PTPRD: variants seen among roughly 807,000 people sequenced by gnomAD.
The protein encoded by PTPRD is protein tyrosine phosphatase receptor type D.
Under a neutral mutation model 214.5 loss-of-function variants are expected in PTPRD, and 34 were observed. The ratio of observed to expected loss-of-function variants is 0.16; its 90% CI spans 0.12 to 0.21. The LOEUF is 0.21. Ranked by LOEUF, PTPRD falls within the 10% of genes least tolerant of loss-of-function variation. PTPRD has a pLI of 1.00. For missense variants in PTPRD, 2,545 were observed against 2,398.7 expected (o/e 1.06, Z -1.27); for synonymous variants, 1,128 against 845.7 (o/e 1.33, Z -5.79).
At chr9:8,598,202 T>C (rs2094575980) in intron 14 of PTPRD, among the ~76,000 whole-genome samples, 1 of 152,102 alleles carries the variant, frequency 6.6e-6, no homozygotes, top group South Asian at 2.1e-4. Flanking sequence ...AAATAGCCAG[T>C]GCACTCTGGG....
chr9:9,828,557 CAACTT>C (rs1472561995), intron 5 of PTPRD, among the ~76,000 whole-genome samples: 1 of 151,922 alleles, frequency 6.6e-6, no homozygotes, highest in East Asian at 1.9e-4. Context: ...TGTTAAATGA[CAACTT>C]AATGGGTGAA....
chr9:9,628,278 T>G (rs2095484148), intron 7 of PTPRD, among the ~76,000 whole-genome samples: 1 of 152,200 alleles, frequency 6.6e-6, no homozygotes, highest in Non-Finnish European at 1.5e-5. Flanking sequence ...CTCTGAGGAA[T>G]CTTTCATGCT....
chr9:9,828,232 T>C (rs1041090510), intron 5 of PTPRD, among the ~76,000 whole-genome samples: 33 of 152,112 alleles, frequency 2.2e-4, no homozygotes, highest in Non-Finnish European at 3.5e-4. Flanking sequence ...CTATTCACAA[T>C]AGCAAAGACT....
At chr9:9,483,701 T>C (rs2147221892) in intron 8 of PTPRD, among the ~76,000 whole-genome samples, 1 of 152,000 alleles carries the variant, frequency 6.6e-6, no homozygotes, top group East Asian at 1.9e-4. Flanking sequence ...AGGCTCTGGA[T>C]GCTCTGAGCC....
At chr9:8,810,327 T>C (rs555985763) in intron 11 of PTPRD, among the ~76,000 whole-genome samples, 2 of 152,296 alleles carry the variant, frequency 1.3e-5, no homozygotes, top group African/African-American at 2.4e-5. Context: ...CATTGCCATG[T>C]AGGGCCTTCT....
intron 39 of PTPRD, among the ~76,000 whole-genome samples, chr9:8,346,875 A>T (rs974161283): frequency 1.3e-5 from 2 of 152,184 alleles, no homozygotes; most frequent in African/African-American, 4.8e-5. Context: ...ATTGTGAAGA[A>T]GGAAAAAGAA....
At chr9:8,818,296 C>A (rs1047801661) in intron 11 of PTPRD, among the ~76,000 whole-genome samples, 3 of 152,102 alleles carry the variant, frequency 2.0e-5, no homozygotes, top group African/African-American at 7.2e-5. Context: ...ATATTCTCTG[C>A]CTCACCTTAT....
chr9:8,407,781 T>C (rs377015940), intron 35 of PTPRD, among the ~76,000 whole-genome samples: 35 of 152,326 alleles, frequency 2.3e-4, no homozygotes, highest in African/African-American at 7.7e-4. Flanking sequence ...GATTAAATAA[T>C]GCTGACTTGT....
intron 4 of PTPRD, among the ~76,000 whole-genome samples, chr9:9,951,805 A>G (rs2093477442): frequency 6.6e-6 from 1 of 152,236 alleles, no homozygotes; most frequent in South Asian, 2.1e-4. Flanking sequence ...TTATAGCAGG[A>G]AACAAGATTA....
chr9:9,339,317 A>C (rs1477442788), intron 9 of PTPRD, among the ~76,000 whole-genome samples: 1 of 141,172 alleles, frequency 7.1e-6, no homozygotes, highest in African/African-American at 2.9e-5. Context: ...CTCTACTAAA[A>C]ATTAAAAAAA....
chr9:9,614,619 G>A (rs2094739161), intron 7 of PTPRD, among the ~76,000 whole-genome samples: 1 of 152,152 alleles, frequency 6.6e-6, no homozygotes, highest in Non-Finnish European at 1.5e-5. Flanking sequence ...ATAGACCGTA[G>A]CATCTCTTTG....
chr9:9,708,376 G>A (rs547154363), intron 7 of PTPRD, among the ~76,000 whole-genome samples: 2 of 152,174 alleles, frequency 1.3e-5, no homozygotes, highest in African/African-American at 4.8e-5. Context: ...ACCCAAATGA[G>A]ACAGACTATA....
intron 8 of PTPRD, among the ~76,000 whole-genome samples, chr9:9,548,099 A>G (rs1290365778): frequency 6.6e-6 from 1 of 152,030 alleles, no homozygotes; most frequent in Non-Finnish European, 1.5e-5. Context: ...AATGTAATAC[A>G]ATTTGTCATC....
intron 7 of PTPRD, among the ~76,000 whole-genome samples, chr9:9,642,618 C>A (rs192404884): frequency 1.3e-4 from 19 of 151,972 alleles, no homozygotes; most frequent in African/African-American, 4.1e-4. Flanking sequence ...TATTGGGCCA[C>A]GAGAAATAGC....
chr9:8,751,281 C>A (rs979285344), intron 11 of PTPRD, among the ~76,000 whole-genome samples: 1 of 151,922 alleles, frequency 6.6e-6, no homozygotes, highest in Non-Finnish European at 1.5e-5. Context: ...TTCTCATTTG[C>A]GTTCCTGAAA....
chr9:8,446,394 T>C (rs767252141), intron 34 of PTPRD, among the ~76,000 whole-genome samples: 4 of 152,210 alleles, frequency 2.6e-5, no homozygotes, highest in Admixed American at 6.5e-5. Context: ...GTAGAATTTA[T>C]AGAATCACTG....
chr9:8,556,530 T>A (rs1254925300), intron 14 of PTPRD, among the ~76,000 whole-genome samples: 1 of 150,786 alleles, frequency 6.6e-6, no homozygotes, highest in Non-Finnish European at 1.5e-5. Flanking sequence ...TAACTATACA[T>A]CTGCATGTAC....
At chr9:8,461,026 T>A (rs959856245) in intron 32 of PTPRD, among the ~76,000 whole-genome samples, 1 of 152,036 alleles carries the variant, frequency 6.6e-6, no homozygotes, top group African/African-American at 2.4e-5. Context: ...AAGTACATAT[T>A]TACAATGCAA....
intron 3 of PTPRD, among the ~76,000 whole-genome samples, chr9:10,071,039 G>A (rs898992856): frequency 1.4e-4 from 22 of 151,918 alleles, no homozygotes; most frequent in African/African-American, 3.4e-4. Context: ...AATCAAATAC[G>A]TGGTATAAAT....
Sources: allele counts gnomAD v4.1 joint callset (sites outside exome capture counted in the v4.1 genomes callset), GRCh38; gene constraint gnomAD v4.1.1; transcripts MANE v1.5; gene names NCBI Gene and HGNC (gene_info 2026-07-23, HGNC 2026-07-21).